Variants in SPEG observed in about 807,000 individuals in gnomAD.
The protein encoded by SPEG is striated muscle preferentially expressed protein kinase.
In SPEG, 114 loss-of-function variants were observed where a neutral mutation model predicts 300.4. The ratio of observed to expected loss-of-function variants is 0.38; its 90% CI spans 0.33 to 0.44. The LOEUF (loss-of-function observed/expected upper bound fraction) is 0.44. Ranked by LOEUF, SPEG falls within the 20% of genes least tolerant of loss-of-function variation. SPEG has a pLI of 1.00. For synonymous variants in SPEG, 1,964 were observed against 2,018.9 expected (o/e 0.97, Z 0.73); for missense variants, 4,201 against 4,586.2 (o/e 0.92, Z 2.43).
At chr2:219,449,298 G>C (rs1689558125) in intron 4 of SPEG, 27 bp downstream of exon 4, 2 of 1,356,086 alleles carry the variant, frequency 1.5e-6, no homozygotes, top group Non-Finnish European at 1.9e-6. Context: ...GGCTGACAAG[G>C]TGCCTGAACC....
chr2:219,486,626 T>A (rs961459099), intron 31 of SPEG, among the ~76,000 whole-genome samples: 27 of 152,324 alleles, frequency 1.8e-4, no homozygotes, highest in Non-Finnish European at 3.8e-4. Flanking sequence ...GTTTTGCTTA[T>A]GCAGCTGATT....
Position 219,492,933 on chromosome 2 carries a change from C to T in SPEG, c.*147C>T, listed in dbSNP as rs967945524. The T allele has an allele frequency of 2.3e-6, 2 of 884,428 alleles. No homozygotes were observed. The highest frequency in any genetic ancestry group is 2.6e-5 in the East Asian group (1 of 37,976). 54.8% of individuals were successfully genotyped at this position (884,428 alleles called of 1,614,324 possible). A position where few individuals can be genotyped will look rare whatever the true frequency, so the allele number is the denominator to read the frequency against. On this transcript the variant is annotated 3_prime_UTR_variant, in exon 41 of 41. Coordinates refer to ENST00000312358, the MANE Select transcript of SPEG (RefSeq NM_005876.5). ...CTGGCTGGGCTCTTACCTCATAGAC[C>T]TTCAAGGACAGAGACCCCAGGGCCT...
rs756677359 is a variant in SPEG at position 219,473,581 on chromosome 2, G to A, written c.4225G>A (p.Val1409Ile). Reference sequence around the variant, plus strand: ...TGTGGTGGAGGGACAGCCTGCCAGCGTCACCGTCACATTCAACCATGTGGA... The same window carrying A: ...TGTGGTGGAGGGACAGCCTGCCAGCATCACCGTCACATTCAACCATGTGGA... ...VYVVEGQPAS[V>I]TVTFNHVEAQ... Residue 1409 changes from valine (V) to isoleucine (I), a missense_variant, in exon 17 of 41, where the codon GTC becomes ATC. Val to Ile is a conservative substitution (Grantham distance 29). This residue lies in a region of SPEG where 1,047 missense variants were observed against 1,356.8 expected (regional missense o/e 0.77). Transcript: ENST00000312358. The surrounding 1 kb of genome is among the most constrained non-coding windows in gnomAD (Gnocchi z 4.6). 59 of 1,614,076 alleles carry A rather than the reference G, an allele frequency of 3.7e-5. No individual in the cohort carries two copies. The Admixed American group carries it at 7.7e-4, about 21-fold the overall frequency.
At position 219,477,574 on chromosome 2, in the gene SPEG, T is replaced by G. The variant is rs1692463554; in HGVS notation, c.4730-115T>G. The G allele has an allele frequency of 4.3e-5, 58 of 1,360,412 alleles. 1 individual carries two copies. In the South Asian group the frequency reaches 5.6e-4, roughly 13 times the overall value. The allele number at this position is 1,360,412 out of a possible 1,614,324, so 84.3% of individuals were successfully genotyped here. ...ACACCCCCAGCCCAGCACCCCGCCT[T>G]GAGCCCCCAACATTCTTGCACCTCT... is the stretch of plus-strand genomic sequence containing the variant. On this transcript the variant is annotated intron_variant, in intron 20 of 40. Transcript: ENST00000312358. This position sits in a 1 kb window ranked among gnomAD's most constrained non-coding sequence, Gnocchi z 6.4.
At position 219,477,279 on chromosome 2, in the gene SPEG, C is replaced by T. The variant is rs765139454; in HGVS notation, c.4563C>T (p.Asp1521=). 2.5e-6 allele frequency: 4 copies of T among 1,609,416 alleles called. No individual in the cohort carries two copies. The highest frequency in any genetic ancestry group is 1.1e-5 in the South Asian group (1 of 90,538). Reference sequence around the variant, plus strand: ...GAAGGTGAGACCCCACTCTGCAGGACGAGGTGCTGCTGACCGAGAGCAGCC... The same window carrying T: ...GAAGGTGAGACCCCACTCTGCAGGATGAGGTGCTGCTGACCGAGAGCAGCC... ...KPLPDIMWYK[D]EVLLTESSHV... The change falls in exon 20 of 41, where the codon GAC becomes GAT. Residue 1521 remains aspartate, a splice_region_variant and synonymous_variant. Coordinates refer to ENST00000312358, the MANE Select transcript of SPEG (RefSeq NM_005876.5). The surrounding 1 kb of genome is among the most constrained non-coding windows in gnomAD (Gnocchi z 6.4).
Position 219,479,550 on chromosome 2 carries a change from T to G in SPEG, c.5086-233T>G, listed in dbSNP as rs1159860756. ...TCCTGCCACGTCAGGCTGTACATGT[T>G]GTGCACTGCACAATTCTACTTATTA... On this transcript the variant is annotated intron_variant, in intron 23 of 40. Transcript: ENST00000312358. The surrounding 1 kb of genome is among the most constrained non-coding windows in gnomAD (Gnocchi z 5.5). 6.6e-6 allele frequency among the ~76,000 whole-genome samples: 1 copy of G among 152,232 alleles called. No individual in the cohort carries two copies. The highest frequency in any genetic ancestry group is 1.5e-5 in the Non-Finnish European group (1 of 68,042).
intron 6 of SPEG, among the ~76,000 whole-genome samples, chr2:219,454,396 T>A (rs1575075387): frequency 6.6e-6 from 1 of 151,798 alleles, no homozygotes; most frequent in South Asian, 2.1e-4. Context: ...GGCTTGGGAG[T>A]GTGAGAAGTG....
chr2:219,480,174 G>T lies in SPEG; in HGVS notation c.5342+34G>T. The T allele has an allele frequency of 6.2e-7, 1 of 1,607,944 alleles. No individual in the cohort carries two copies. Among genetic ancestry groups the T allele is most frequent in the Non-Finnish European group, 8.5e-7 (1 of 1,175,898 alleles). Reference sequence around the variant, plus strand: ...GGCATGCTGGGCTGGGCCGACCAGGGCAGCTGCCCTTGGGGCTGTGCTGGG... The same window carrying T: ...GGCATGCTGGGCTGGGCCGACCAGGTCAGCTGCCCTTGGGGCTGTGCTGGG... On this transcript the variant is annotated intron_variant, in intron 25 of 40. Transcript: ENST00000312358. The surrounding 1 kb of genome is among the most constrained non-coding windows in gnomAD (Gnocchi z 5.3).
At position 219,484,153 on chromosome 2, in the gene SPEG, A is replaced by C. The variant is rs759661390; in HGVS notation, c.6690A>C (p.Pro2230=). The C allele has an allele frequency of 2.3e-5, 37 of 1,610,530 alleles. No individual in the cohort carries two copies. The highest frequency in any genetic ancestry group is 1.4e-4 in the African/African-American group (10 of 73,890). Residue 2230 remains proline (P), a synonymous_variant, in exon 30 of 41, where the codon CCA becomes CCC. Coordinates refer to ENST00000312358, the MANE Select transcript of SPEG (RefSeq NM_005876.5). ...PEPVRASKPA[P]PPQALQTLAL... ...CAGTCCGAGCCTCCAAGCCTGCACC[A>C]CCCCCCCAGGCCCTGCAAACCCTAG... is the stretch of plus-strand genomic sequence containing the variant.
Position 219,435,014 on chromosome 2 carries a change from G to A in SPEG, c.37G>A (p.Gly13Ser). The A allele has an allele frequency of 1.3e-6, 2 of 1,503,916 alleles. No homozygotes were observed. The highest frequency in any genetic ancestry group is 1.8e-6 in the Non-Finnish European group (2 of 1,133,980). 93.2% of individuals were successfully genotyped at this position (1,503,916 alleles called of 1,614,324 possible). The change falls in exon 1 of 41, where the codon GGC (glycine) becomes AGC (serine). Residue 13 changes from glycine (G) to serine (S), a missense_variant. Gly to Ser is a moderately conservative substitution (Grantham distance 56). Transcript: ENST00000312358. ...KARGTRGEDA[G>S]TRAPPSPGVP... is the part of the protein sequence containing the mutation. ...CCGGGGCACGCGAGGCGAGGATGCG[G>A]GCACGAGGGCACCCCCCAGCCCCGG... is the stretch of plus-strand genomic sequence containing the variant.
At chr2:219,465,714 G>T (rs912194166) in intron 9 of SPEG, 10 of 422,746 alleles carry the variant, frequency 2.4e-5, no homozygotes, top group Admixed American at 2.2e-4. Flanking sequence ...AGCTGTCCTT[G>T]GGGGAGCCAA....
At chr2:219,487,430 A>G (rs1693541861) in intron 31 of SPEG, among the ~76,000 whole-genome samples, 1 of 152,210 alleles carries the variant, frequency 6.6e-6, no homozygotes, top group Non-Finnish European at 1.5e-5. Context: ...GACACTTTAC[A>G]TGCCTCGTAA....
In SPEG at chr2:219,473,223, C is replaced by A; in HGVS notation, c.4147+127C>A. On this transcript the variant is annotated intron_variant, in intron 16 of 40. Coordinates refer to ENST00000312358, the MANE Select transcript of SPEG (RefSeq NM_005876.5). The surrounding 1 kb of genome is among the most constrained non-coding windows in gnomAD (Gnocchi z 4.6). The stretch of plus-strand genomic sequence containing the variant: ...GCAGGAGCAGCCTAGCCGGGCGGGA[C>A]CTTGGCCCATCTGTACACTTCCTTC... The A allele has an allele frequency of 1.1e-6, 1 of 949,010 alleles. No individual in the cohort carries two copies. Among genetic ancestry groups the A allele is most frequent in the Non-Finnish European group, 1.6e-6 (1 of 635,956 alleles). 58.8% of individuals were successfully genotyped at this position (949,010 alleles called of 1,614,324 possible).
In SPEG at chr2:219,439,732, C is replaced by A. The variant is rs1330051693; in HGVS notation, c.388+4367C>A. Among the ~76,000 whole-genome samples the A allele has an allele frequency of 3.3e-5, 5 of 152,196 alleles. No homozygotes were observed. The highest frequency in any genetic ancestry group is 7.3e-5 in the Non-Finnish European group (5 of 68,030). On this transcript the variant is annotated intron_variant, in intron 1 of 40. Coordinates refer to ENST00000312358, the MANE Select transcript of SPEG (RefSeq NM_005876.5). This position sits in a 1 kb window ranked among gnomAD's most constrained non-coding sequence, Gnocchi z 4.5. ...GAGCAGTGCCGACCCAGAGCAGGAA[C>A]ACAGAATCCTGCCGGCCCCTCCTGG...
chr2:219,465,789 C>G, intron 9 of SPEG: 1 of 578,820 alleles, frequency 1.7e-6, no homozygotes, highest in Non-Finnish European at 3.1e-6. Context: ...CTAGCCAGGT[C>G]TGCGTGCCTG....
rs369667103 is a variant in SPEG at position 219,480,096 on chromosome 2, C to T, written c.5298C>T (p.Pro1766=). ...ATGGCACACCTGAGTTTGTAGCACC[C>T]GAGATTGTCAATCAGAGCCCCGTGT... ...CQYGTPEFVA[P]EIVNQSPVSG... is the part of the protein sequence containing the mutation. Residue 1766 remains proline, a synonymous_variant, in exon 25 of 41, where the codon CCC becomes CCT. Transcript: ENST00000312358. The surrounding 1 kb of genome is among the most constrained non-coding windows in gnomAD (Gnocchi z 5.3). 145 of 1,613,810 alleles carry T rather than the reference C, an allele frequency of 9.0e-5. No individual in the cohort carries two copies. The highest frequency in any genetic ancestry group is 3.3e-4 in the Middle Eastern group (2 of 6,084).
Position 219,471,932 on chromosome 2 carries a change from C to T in SPEG, c.3780C>T (p.Ser1260=), listed in dbSNP as rs760031137. The T allele has an allele frequency of 1.5e-5, 25 of 1,613,966 alleles. No homozygotes were observed. Among genetic ancestry groups the T allele is most frequent in the South Asian group, 3.3e-5 (3 of 91,088 alleles). The change falls in exon 14 of 41, where the codon AGC becomes AGT. Residue 1260 remains serine, a synonymous_variant. Coordinates refer to ENST00000312358, the MANE Select transcript of SPEG (RefSeq NM_005876.5). The part of the protein sequence containing the change: ...VGPQHAGVYK[S]VIANKLGKAA... ...CTCAGCACGCCGGTGTCTACAAGAG[C>T]GTCATTGCCAACAAGCTGGGCAAAG...
intron 9 of SPEG, chr2:219,466,806 G>C: frequency 9.7e-7 from 1 of 1,032,690 alleles, no homozygotes; most frequent in South Asian, 4.3e-5. Context: ...TGTAGTGAGC[G>C]TGGAGAAATT....
rs756823808 is a variant in SPEG at position 219,443,162 on chromosome 2, G to C, written c.389-1491G>C. 2 of 1,611,766 alleles carry C rather than the reference G, an allele frequency of 1.2e-6. No homozygotes were observed. The highest frequency in any genetic ancestry group is 1.7e-6 in the Non-Finnish European group (2 of 1,178,942). On this transcript the variant is annotated intron_variant, in intron 1 of 40. Transcript: ENST00000312358. This position sits in a 1 kb window ranked among gnomAD's most constrained non-coding sequence, Gnocchi z 4.6. ...CCGACTCACCCATGGTGCGTGGACCGTGGGCGTCCTTGCTCTAGCCCATGC... is the reference window on the plus strand; with the variant it reads ...CCGACTCACCCATGGTGCGTGGACCCTGGGCGTCCTTGCTCTAGCCCATGC...
Sources: gnomAD v4.1 joint callset for allele counts (sites outside exome capture counted in the v4.1 genomes callset) on GRCh38, gnomAD v4.1.1 for gene constraint, gnomAD v4.1.1 regional missense constraint, Gnocchi (gnomAD v3.1) non-coding constraint, MANE v1.5 for transcripts, NCBI Gene and HGNC (gene_info 2026-07-23, HGNC 2026-07-21) for gene names.